Variants in CEP112 observed in about 807,000 individuals in gnomAD.
CEP112 encodes the protein centrosomal protein 112.
Under a neutral mutation model 153.0 loss-of-function variants are expected in CEP112, and 127 were observed. The observed-to-expected ratio is 0.83, with a 90% confidence interval of 0.72 to 0.96. The LOEUF (loss-of-function observed/expected upper bound fraction) is 0.96. Among genes scored for constraint, CEP112 ranks in the 40% least tolerant of loss-of-function variants. The pLI, the probability that CEP112 is intolerant of heterozygous loss-of-function variation, is 0.00. For missense variants in CEP112, 1,089 were observed against 1,101.2 expected, an observed-to-expected ratio of 0.99 and a Z score of 0.16; for synonymous variants, 358 against 374.4, an observed-to-expected ratio of 0.96 and a Z score of 0.51.
chr17:65,744,207 C>T (rs768800743), intron 22 of CEP112, among the ~76,000 whole-genome samples: 1 of 151,972 alleles, frequency 6.6e-6, no homozygotes. Flanking sequence ...GTCCTTTAAC[C>T]TGCCGACTTT....
At chr17:66,042,352 AAATAAAAT>A (rs1217023775) in intron 12 of CEP112, among the ~76,000 whole-genome samples, 2 of 152,164 alleles carry the variant, frequency 1.3e-5, no homozygotes, top group East Asian at 3.9e-4. Context: ...TGTCTCAACA[AAATAAAAT>A]AATAAAATAA....
intron 6 of CEP112, among the ~76,000 whole-genome samples, chr17:66,119,348 A>G (rs2069462283): frequency 6.6e-6 from 1 of 152,192 alleles, no homozygotes; most frequent in Admixed American, 6.5e-5. Context: ...AAAAAATAAT[A>G]AAATAAAAAT....
chr17:65,815,752 G>T (rs1039473018), intron 21 of CEP112, among the ~76,000 whole-genome samples: 5 of 152,072 alleles, frequency 3.3e-5, no homozygotes, highest in South Asian at 2.1e-4. Context: ...TGATGATGTT[G>T]TAAATGGCTG....
intron 19 of CEP112, among the ~76,000 whole-genome samples, chr17:65,912,219 C>G (rs1024640338): frequency 1.3e-5 from 2 of 152,150 alleles, no homozygotes; most frequent in Non-Finnish European, 2.9e-5. Flanking sequence ...AGCTCATTAT[C>G]ACCACAGATC....
Position 65,763,127 on chromosome 17 carries a change from TTC to T in CEP112, c.2395-12405_2395-12404del, listed in dbSNP as rs539563581. Among the ~76,000 whole-genome samples the T allele has an allele frequency of 1.3e-3, 195 of 152,234 alleles. 2 individuals carry two copies. Among genetic ancestry groups the T allele is most frequent in the African/African-American group, 3.8e-3 (160 of 41,562 alleles). ...TCTCTCAACACTTGAGATTGTTCAC[TTC>T]TCTCTCTTCACGCTTGCATGATTTC... On this transcript the variant is annotated intron_variant, in intron 21 of 26. Coordinates refer to ENST00000535342, the MANE Select transcript of CEP112 (RefSeq NM_001199165.4).
intron 23 of CEP112, among the ~76,000 whole-genome samples, chr17:65,691,693 G>A (rs576969264): frequency 1.3e-5 from 2 of 152,268 alleles, no homozygotes; most frequent in Admixed American, 6.5e-5. Flanking sequence ...TGTTGATGAG[G>A]TAGCCTTTCC....
intron 8 of CEP112, among the ~76,000 whole-genome samples, chr17:66,093,319 G>A (rs923307167): frequency 2.0e-5 from 3 of 152,098 alleles, no homozygotes; most frequent in Non-Finnish European, 4.4e-5. Flanking sequence ...TCCAGCCTAA[G>A]CAACAGAGCA....
chr17:66,135,125 T>C (rs1003556746), intron 4 of CEP112, among the ~76,000 whole-genome samples: 22 of 152,214 alleles, frequency 1.4e-4, no homozygotes, highest in African/African-American at 4.8e-4. Context: ...TCCATTATTA[T>C]TAACTAAACT....
At chr17:65,934,740 T>A (rs1057510361) in intron 18 of CEP112, among the ~76,000 whole-genome samples, 3 of 152,228 alleles carry the variant, frequency 2.0e-5, no homozygotes, top group African/African-American at 7.2e-5. Flanking sequence ...GGTAGATATA[T>A]TTAAATTGGA....
rs573921148 is a variant in CEP112, at chr17:66,053,902, G to T, written c.1075-23C>A. Reference sequence around the variant, plus strand: ...AAGCTACATCAGGAAATCAAGAGTTGACTCTTTTACTACTATGGAATTGAC... The same window carrying T: ...AAGCTACATCAGGAAATCAAGAGTTTACTCTTTTACTACTATGGAATTGAC... On this transcript the variant is annotated intron_variant, in intron 11 of 26. Coordinates refer to ENST00000535342, the MANE Select transcript of CEP112 (RefSeq NM_001199165.4). The T allele has an allele frequency of 3.6e-5, 58 of 1,597,642 alleles. No homozygotes were observed. In the South Asian group the frequency reaches 6.6e-4, roughly 18 times the overall value.
chr17:66,159,514 GC>G (rs200576652), intron 4 of CEP112, among the ~76,000 whole-genome samples: 5,188 of 152,262 alleles, frequency 0.034, 131 homozygotes, highest in Middle Eastern at 0.061. Context: ...AATCAAGTTG[GC>G]TTCATCACTG....
At chr17:65,934,597 A>T (rs1384507783) in intron 18 of CEP112, among the ~76,000 whole-genome samples, 1 of 152,258 alleles carries the variant, frequency 6.6e-6, no homozygotes, top group Non-Finnish European at 1.5e-5. Flanking sequence ...GACATAAAGT[A>T]ACTGGATAAA....
chr17:65,755,986 TATATACTGGATG>T (rs1567967659), intron 21 of CEP112, among the ~76,000 whole-genome samples: 2 of 152,152 alleles, frequency 1.3e-5, no homozygotes, highest in Non-Finnish European at 2.9e-5. Flanking sequence ...ATATCCAGTG[TATATACTGGATG>T]AGATCCCAAG....
chr17:66,153,701 A>G (rs1296426733), intron 4 of CEP112, among the ~76,000 whole-genome samples: 5 of 152,184 alleles, frequency 3.3e-5, no homozygotes, highest in African/African-American at 9.6e-5. Flanking sequence ...GGCAATCTTG[A>G]GGAAGAAAAA....
At chr17:66,009,638 C>T (rs2064427735) in intron 16 of CEP112, among the ~76,000 whole-genome samples, 1 of 152,060 alleles carries the variant, frequency 6.6e-6, no homozygotes, top group African/African-American at 2.4e-5. Flanking sequence ...TTTATGTTTG[C>T]TTATGGTATA....
At chr17:66,142,825 C>T (rs1308308279) in intron 4 of CEP112, among the ~76,000 whole-genome samples, 3 of 152,018 alleles carry the variant, frequency 2.0e-5, no homozygotes, top group Non-Finnish European at 4.4e-5. Flanking sequence ...ATTGCTTTGG[C>T]TATTTGGAGT....
chr17:66,092,199 C>T (rs1266511098), intron 8 of CEP112, among the ~76,000 whole-genome samples: 1 of 151,738 alleles, frequency 6.6e-6, no homozygotes, highest in Admixed American at 6.6e-5. Context: ...ACCACCACAC[C>T]CAACTAATTT....
chr17:65,879,126 CA>C (rs1271005425), intron 20 of CEP112, among the ~76,000 whole-genome samples: 1 of 152,210 alleles, frequency 6.6e-6, no homozygotes, highest in Non-Finnish European at 1.5e-5. Flanking sequence ...AGGGACTCAG[CA>C]AATATGATTA....
chr17:66,003,510 T>C (rs762519753), intron 17 of CEP112, among the ~76,000 whole-genome samples: 6 of 152,234 alleles, frequency 3.9e-5, no homozygotes, highest in Non-Finnish European at 8.8e-5. Context: ...TAACCTGGAC[T>C]GGAAAATCAT....
Sources: allele counts gnomAD v4.1 joint callset (sites outside exome capture counted in the v4.1 genomes callset), GRCh38; gene constraint gnomAD v4.1.1; transcripts MANE v1.5; gene names NCBI Gene and HGNC (gene_info 2026-07-23, HGNC 2026-07-21).